CSMD1: variants seen among roughly 807,000 people sequenced by gnomAD.
The protein encoded by CSMD1 is CUB and sushi domain-containing protein 1.
In CSMD1, 213 loss-of-function variants were observed where a neutral mutation model predicts 417.5. The ratio of observed to expected loss-of-function variants is 0.51; its 90% confidence interval spans 0.46 to 0.57. The LOEUF is 0.57. Among genes scored for constraint, CSMD1 ranks in the 20% least tolerant of loss-of-function variants. The probability of loss-of-function intolerance (pLI) is 0.00; values close to 1 mark genes in which losing one functional copy is unlikely to be tolerated. For missense variants in CSMD1, 6,923 were observed against 4,529.7 expected (o/e 1.53, Z -15.17); for synonymous variants, 2,862 against 1,736.8 (o/e 1.65, Z -16.11).
chr8:3,509,371 GA>G (rs2040608496), intron 10 of CSMD1, among the ~76,000 whole-genome samples: 3 of 152,118 alleles, frequency 2.0e-5, no homozygotes, highest in Non-Finnish European at 4.4e-5. Context: ...TTTGTCATAA[GA>G]AAAAATAATC....
At chr8:3,893,959 A>G (rs1807171429) in intron 5 of CSMD1, among the ~76,000 whole-genome samples, 1 of 152,214 alleles carries the variant, frequency 6.6e-6, no homozygotes, top group African/African-American at 2.4e-5. Context: ...AGGACCACCC[A>G]GAACTTGCTT....
Position 4,140,624 on chromosome 8 carries a change from C to T in CSMD1, c.416-108525G>A, listed in dbSNP as rs371195041. Among the ~76,000 whole-genome samples, 14 of 150,844 alleles carry T rather than the reference C, an allele frequency of 9.3e-5. 1 individual carries two copies. The highest frequency in any genetic ancestry group is 2.0e-4 in the African/African-American group (8 of 40,210). ...TCAAGGCTGCAGTGAGCCATGATTGCGCCACTGCACTCCAGGCTGGGCAAC... is the reference window on the plus strand; with the variant it reads ...TCAAGGCTGCAGTGAGCCATGATTGTGCCACTGCACTCCAGGCTGGGCAAC... On this transcript the variant is annotated intron_variant, in intron 3 of 69. Coordinates refer to ENST00000635120, the MANE Select transcript of CSMD1 (RefSeq NM_033225.6).
At chr8:4,697,551 C>T (rs769985662) in intron 1 of CSMD1, among the ~76,000 whole-genome samples, 15 of 151,876 alleles carry the variant, frequency 9.9e-5, no homozygotes, top group African/African-American at 1.5e-4. Context: ...GGAATGTCGA[C>T]GATAGCAAAA....
At chr8:3,492,031 A>G (rs191184155) in intron 11 of CSMD1, among the ~76,000 whole-genome samples, 1 of 152,296 alleles carries the variant, frequency 6.6e-6, no homozygotes, top group Non-Finnish European at 1.5e-5. Flanking sequence ...GTAGGAAGGG[A>G]TGAGGAAAAG....
intron 3 of CSMD1, among the ~76,000 whole-genome samples, chr8:4,312,436 T>TGCGTATATATATACGTATATATATGC (rs1563435300): frequency 3.4e-4 from 40 of 116,876 alleles, no homozygotes; most frequent in African/African-American, 1.8e-3. Context: ...TATATATATA[T>TGCGTATATATATACGTATATATATGC]GCGTATATAT....
intron 5 of CSMD1, among the ~76,000 whole-genome samples, chr8:3,855,171 T>G (rs1804207028): frequency 6.6e-6 from 1 of 152,212 alleles, no homozygotes; most frequent in African/African-American, 2.4e-5. Context: ...GACAAATTAC[T>G]TTCAATATAA....
intron 2 of CSMD1, among the ~76,000 whole-genome samples, chr8:4,518,599 C>G (rs1803250905): frequency 7.0e-6 from 1 of 142,838 alleles, no homozygotes; most frequent in African/African-American, 2.6e-5. Flanking sequence ...GGGAACATCA[C>G]ACACCGGGGA....
chr8:3,719,041 C>T lies in CSMD1; in HGVS notation c.932-10550G>A, dbSNP rs191791916. On this transcript the variant is annotated intron_variant, in intron 6 of 69. Transcript: ENST00000635120. The stretch of plus-strand genomic sequence containing the variant: ...GAAACAACATTCTTCCTGCACTCTA[C>T]GTATTGAGATGTAGAAAACCCTCCT... Among the ~76,000 whole-genome samples, 10 of 152,210 alleles carry T rather than the reference C, an allele frequency of 6.6e-5. No homozygotes were observed. In the East Asian group the frequency reaches 9.7e-4, roughly 15 times the overall value.
chr8:4,129,693 A>G (rs949336259), intron 3 of CSMD1, among the ~76,000 whole-genome samples: 2 of 152,118 alleles, frequency 1.3e-5, no homozygotes, highest in Non-Finnish European at 2.9e-5. Flanking sequence ...ACATTTTGTT[A>G]TACAAGTCCA....
chr8:3,188,359 T>G (rs1291603415), intron 35 of CSMD1, among the ~76,000 whole-genome samples: 1 of 134,122 alleles, frequency 7.5e-6, no homozygotes, highest in Non-Finnish European at 1.5e-5. Flanking sequence ...CAGGCTTGAG[T>G]GCAATGGTGC....
intron 3 of CSMD1, among the ~76,000 whole-genome samples, chr8:4,077,653 G>A (rs532669652): frequency 3.0e-4 from 46 of 152,102 alleles, no homozygotes; most frequent in African/African-American, 1.1e-3. Context: ...ACAAAAGGGA[G>A]GTATATTTGA....
intron 5 of CSMD1, among the ~76,000 whole-genome samples, chr8:3,754,683 G>A (rs531957670): frequency 2.6e-5 from 4 of 152,322 alleles, no homozygotes; most frequent in East Asian, 1.9e-4. Context: ...TCGAACTTGT[G>A]ACCTCAGGTG....
chr8:4,532,745 C>A (rs1393916774), intron 2 of CSMD1, among the ~76,000 whole-genome samples: 3 of 141,942 alleles, frequency 2.1e-5, no homozygotes, highest in African/African-American at 7.9e-5. Context: ...GAAAAGAAAT[C>A]CTGCACCCCC....
intron 5 of CSMD1, among the ~76,000 whole-genome samples, chr8:3,911,127 A>G (rs926074672): frequency 1.3e-5 from 2 of 152,160 alleles, no homozygotes; most frequent in African/African-American, 4.8e-5. Flanking sequence ...CAGGTTGCCA[A>G]TCACAGGACT....
intron 3 of CSMD1, among the ~76,000 whole-genome samples, chr8:4,260,356 T>C (rs184788956): frequency 6.6e-6 from 1 of 152,222 alleles, no homozygotes; most frequent in Admixed American, 6.5e-5. Context: ...TGAGTTGCTA[T>C]TGATTTGTAG....
intron 2 of CSMD1, among the ~76,000 whole-genome samples, chr8:4,426,976 T>G (rs903936462): frequency 7.2e-5 from 11 of 152,042 alleles, no homozygotes; most frequent in Non-Finnish European, 1.0e-4. Context: ...TGGCCTGGTC[T>G]AGGGATGGGG....
intron 2 of CSMD1, among the ~76,000 whole-genome samples, chr8:4,421,538 G>A (rs1326194179): frequency 6.6e-6 from 1 of 151,870 alleles, no homozygotes; most frequent in Admixed American, 6.6e-5. Context: ...AAAAATGACA[G>A]AAAAATATCT....
intron 49 of CSMD1, among the ~76,000 whole-genome samples, chr8:3,053,135 T>G (rs6420211): frequency 0.98 from 149,640 of 152,296 alleles, 73,583 homozygotes; most frequent in Middle Eastern, 1. Flanking sequence ...AAATCTTAAG[T>G]ATATTAAAGG....
At chr8:4,376,042 G>C (rs771272843) in intron 3 of CSMD1, among the ~76,000 whole-genome samples, 1 of 152,194 alleles carries the variant, frequency 6.6e-6, no homozygotes, top group African/African-American at 2.4e-5. Flanking sequence ...TTTAAGTCTT[G>C]ATATCTATAC....
Sources: gnomAD v4.1 joint callset for allele counts (sites outside exome capture counted in the v4.1 genomes callset) on GRCh38, gnomAD v4.1.1 for gene constraint, MANE v1.5 for transcripts, NCBI Gene and HGNC (gene_info 2026-07-23, HGNC 2026-07-21) for gene names.